Variants in SORCS2 observed in about 807,000 individuals in gnomAD.
SORCS2 encodes sortilin related VPS10 domain containing receptor 2.
A neutral mutation model predicts 141.6 loss-of-function variants in SORCS2; 100 were observed. The observed-to-expected ratio is 0.71, with a 90% CI of 0.60 to 0.83. The LOEUF is 0.83. SORCS2 is among the 40% of genes least tolerant of loss of function. SORCS2 has a pLI of 0.00. For missense variants in SORCS2, 1,646 were observed against 1,560.2 expected (o/e 1.05, Z -0.93); for synonymous variants, 789 against 676.9 (o/e 1.17, Z -2.57).
intron 2 of SORCS2, among the ~76,000 whole-genome samples, chr4:7,414,355 C>T (rs1725524814): frequency 6.6e-6 from 1 of 152,130 alleles, no homozygotes; most frequent in Non-Finnish European, 1.5e-5. Flanking sequence ...TTGGAAATAG[C>T]TTCTGAGGGA....
At chr4:7,590,153 C>T (rs1716819939) in intron 3 of SORCS2, among the ~76,000 whole-genome samples, 1 of 152,224 alleles carries the variant, frequency 6.6e-6, no homozygotes. Flanking sequence ...TGCCAGGGTA[C>T]TGCCTTGTTT....
At chr4:7,283,219 T>A (rs1716001727) in intron 1 of SORCS2, among the ~76,000 whole-genome samples, 1 of 152,252 alleles carries the variant, frequency 6.6e-6, no homozygotes, top group Non-Finnish European at 1.5e-5. Flanking sequence ...ATACTGAGCA[T>A]GCATGTGTGA....
intron 2 of SORCS2, among the ~76,000 whole-genome samples, chr4:7,422,990 C>T (rs1726188809): frequency 6.7e-6 from 1 of 150,170 alleles, no homozygotes; most frequent in Admixed American, 6.6e-5. Context: ...ACCTGCCACC[C>T]CTCCCCTACC....
rs74462575 is a variant in SORCS2 at position 7,590,270 on chromosome 4, C to G, written c.649-48058C>G. The stretch of plus-strand genomic sequence containing the variant: ...ATGTGGCGGAAAATTATGCTCCGAT[C>G]CCTTCCTCTGGAAAGGGTTCAGGGT... On this transcript the variant is annotated intron_variant, in intron 3 of 26. Transcript: ENST00000507866. 2.6e-3 allele frequency among the ~76,000 whole-genome samples: 400 copies of G among 152,324 alleles called. 3 individuals are homozygous for G. Among genetic ancestry groups the G allele is most frequent in the African/African-American group, 8.7e-3 (363 of 41,558 alleles).
intron 1 of SORCS2, among the ~76,000 whole-genome samples, chr4:7,217,259 C>T (rs1052978457): frequency 6.6e-6 from 1 of 152,188 alleles, no homozygotes; most frequent in African/African-American, 2.4e-5. Context: ...CCACTGCCAC[C>T]CCTCCATGAG....
At chr4:7,470,751 C>T (rs986805007) in intron 2 of SORCS2, among the ~76,000 whole-genome samples, 1 of 152,228 alleles carries the variant, frequency 6.6e-6, no homozygotes, top group Non-Finnish European at 1.5e-5. Flanking sequence ...GCCCCAGCCC[C>T]AGCCTGCATG....
intron 2 of SORCS2, among the ~76,000 whole-genome samples, chr4:7,485,299 A>C (rs921777859): frequency 9.8e-5 from 15 of 152,316 alleles, no homozygotes; most frequent in African/African-American, 3.6e-4. Context: ...CATTACCAGG[A>C]GCATGCTGCT....
intron 2 of SORCS2, among the ~76,000 whole-genome samples, chr4:7,415,069 T>C (rs964977558): frequency 6.6e-6 from 1 of 152,022 alleles, no homozygotes; most frequent in Non-Finnish European, 1.5e-5. Flanking sequence ...TTCAAAGTAA[T>C]GAGTTAAAGT....
At chr4:7,646,596 T>G (rs1721095047) in intron 4 of SORCS2, among the ~76,000 whole-genome samples, 1 of 152,018 alleles carries the variant, frequency 6.6e-6, no homozygotes, top group Non-Finnish European at 1.5e-5. Flanking sequence ...CACCACTGCA[T>G]TCCAGCCTGG....
intron 3 of SORCS2, among the ~76,000 whole-genome samples, chr4:7,592,016 A>G (rs1213807510): frequency 2.6e-5 from 4 of 152,088 alleles, no homozygotes; most frequent in African/African-American, 7.2e-5. Context: ...CCCCCTTTAA[A>G]TTGGCAGAGC....
intron 2 of SORCS2, among the ~76,000 whole-genome samples, chr4:7,408,016 T>C (rs950563484): frequency 6.6e-6 from 1 of 152,146 alleles, no homozygotes; most frequent in Admixed American, 6.5e-5. Flanking sequence ...CGTATTTCTA[T>C]ATTACCTATT....
intron 1 of SORCS2, among the ~76,000 whole-genome samples, chr4:7,319,015 C>T (rs533856155): frequency 8.5e-5 from 13 of 152,320 alleles, no homozygotes; most frequent in Non-Finnish European, 1.8e-4. Context: ...GCATCTTCCA[C>T]TTAGCATAAT....
At chr4:7,711,143 C>T (rs1725803548) in intron 14 of SORCS2, among the ~76,000 whole-genome samples, 1 of 152,186 alleles carries the variant, frequency 6.6e-6, no homozygotes, top group Admixed American at 6.5e-5. Flanking sequence ...CTTAGGGTTT[C>T]ATCAAACAAA....
chr4:7,318,062 G>A (rs1344462051), intron 1 of SORCS2, among the ~76,000 whole-genome samples: 6 of 152,334 alleles, frequency 3.9e-5, no homozygotes, highest in African/African-American at 7.2e-5. Context: ...GTCGCGTATC[G>A]TGCAAGGTGA....
intron 26 of SORCS2, 189 bp downstream of exon 26, chr4:7,737,361 C>G (rs1232901912): frequency 1.3e-6 from 1 of 749,474 alleles, no homozygotes; most frequent in Non-Finnish European, 2.1e-6. Flanking sequence ...ATGACGGGAC[C>G]TGACAGGGCT....
chr4:7,598,964 C>T (rs372469333), intron 3 of SORCS2, among the ~76,000 whole-genome samples: 3 of 152,190 alleles, frequency 2.0e-5, no homozygotes, highest in Non-Finnish European at 2.9e-5. Flanking sequence ...TTCCATTGCA[C>T]GGTGCCGATG....
chr4:7,583,350 C>A (rs1716290151), intron 3 of SORCS2, among the ~76,000 whole-genome samples: 1 of 151,978 alleles, frequency 6.6e-6, no homozygotes, highest in South Asian at 2.1e-4. Flanking sequence ...TATTCCAACC[C>A]CCCTACACTC....
chr4:7,352,739 G>A, intron 1 of SORCS2, among the ~76,000 whole-genome samples: 1 of 152,326 alleles, frequency 6.6e-6, no homozygotes, highest in South Asian at 2.1e-4. Flanking sequence ...GCAGGAAGGT[G>A]GGGAGTCTTT....
intron 2 of SORCS2, among the ~76,000 whole-genome samples, chr4:7,503,008 C>T (rs561064316): frequency 7.2e-5 from 11 of 152,316 alleles, no homozygotes; most frequent in African/African-American, 2.4e-4. Context: ...CCCGATTTCA[C>T]GTTTTAAAAT....
Sources: gnomAD v4.1 joint callset for allele counts (sites outside exome capture counted in the v4.1 genomes callset) on GRCh38, gnomAD v4.1.1 for gene constraint, MANE v1.5 for transcripts, NCBI Gene and HGNC (gene_info 2026-07-23, HGNC 2026-07-21) for gene names.